ATP10D: variants seen among roughly 807,000 people sequenced by gnomAD.
The protein encoded by ATP10D is phospholipid-transporting ATPase VD.
In ATP10D, 89 loss-of-function variants were observed where a neutral mutation model predicts 144.8. The observed-to-expected ratio is 0.61, with a 90% CI of 0.52 to 0.73. ATP10D has a LOEUF of 0.73. ATP10D is among the 30% of genes least tolerant of loss of function. ATP10D has a pLI of 0.00. For synonymous variants in ATP10D, 571 were observed against 615.1 expected, an observed-to-expected ratio of 0.93 and a Z score of 1.06; for missense variants, 1,603 against 1,714.8, an observed-to-expected ratio of 0.93 and a Z score of 1.15.
chr4:47,562,120 A>T (rs1296301045), intron 14 of ATP10D, among the ~76,000 whole-genome samples: 1 of 152,198 alleles, frequency 6.6e-6, no homozygotes, highest in African/African-American at 2.4e-5. Context: ...ATATAAGACT[A>T]TTTATAGTTA....
chr4:47,544,751 C>A (rs4437227), intron 9 of ATP10D, among the ~76,000 whole-genome samples: 3 of 152,170 alleles, frequency 2.0e-5, no homozygotes, highest in Admixed American at 6.5e-5. Context: ...AAAACTATTA[C>A]AAAAAAATAG....
intron 9 of ATP10D, among the ~76,000 whole-genome samples, chr4:47,543,836 TACAC>T (rs756459559): frequency 2.9e-5 from 3 of 104,932 alleles, no homozygotes; most frequent in Non-Finnish European, 6.2e-5. Context: ...ATATATTATG[TACAC>T]ACACACACAC....
intron 22 of ATP10D, among the ~76,000 whole-genome samples, chr4:47,590,706 C>T (rs920143355): frequency 7.2e-5 from 11 of 152,054 alleles, no homozygotes; most frequent in Non-Finnish European, 1.5e-4. Context: ...TATGTGTCAA[C>T]ACTCTGCCTG....
At chr4:47,523,844 A>G (rs1420524368) in intron 4 of ATP10D, among the ~76,000 whole-genome samples, 1 of 152,208 alleles carries the variant, frequency 6.6e-6, no homozygotes, top group East Asian at 1.9e-4. Flanking sequence ...ATGTATGAAA[A>G]CAGCATATAT....
chr4:47,496,385 G>C (rs999475029), intron 1 of ATP10D, among the ~76,000 whole-genome samples: 17 of 152,050 alleles, frequency 1.1e-4, no homozygotes, highest in Non-Finnish European at 2.9e-5. Context: ...TTGAACTCCT[G>C]ACCTCAGGTG....
chr4:47,534,191 G>T (rs1001392656), intron 5 of ATP10D, among the ~76,000 whole-genome samples: 1 of 151,978 alleles, frequency 6.6e-6, no homozygotes, highest in Admixed American at 6.6e-5. Flanking sequence ...CCCCTCCATC[G>T]TTCATTTTCT....
In ATP10D at chr4:47,523,215, A is replaced by T; in HGVS notation, c.689A>T (p.Gln230Leu). The change falls in exon 4 of 23, where the codon CAG becomes CTG. Residue 230 changes from glutamine to leucine, a missense_variant and splice_region_variant. By Grantham distance (113) the Gln-to-Leu change is moderately radical. Coordinates refer to ENST00000273859, the MANE Select transcript of ATP10D (RefSeq NM_020453.4). Reference protein sequence around the residue: ...QRQVVRGYAEQDSEVDPEKFS... With the variant: ...QRQVVRGYAELDSEVDPEKFS... ...CAGGTGGTTCGGGGATATGCAGAAC[A>T]GGTAAGTCATATGTTCTCAGTTAGT... 1 of 1,613,544 alleles carries T rather than the reference A, an allele frequency of 6.2e-7. No individual in the cohort carries two copies. The highest frequency in any genetic ancestry group is 1.1e-5 in the South Asian group (1 of 91,044).
Position 47,581,955 on chromosome 4 carries a change from T to C in ATP10D, c.3649-5T>C, listed in dbSNP as rs376719790. ...CCAGGATCATCTAATGTCCTCTCTT[T>C]GTAGACCTACCAGGGCTCAGATACT... On this transcript the variant is annotated splice_polypyrimidine_tract_variant and splice_region_variant and intron_variant, in intron 20 of 22. Coordinates refer to ENST00000273859, the MANE Select transcript of ATP10D (RefSeq NM_020453.4). The C allele has an allele frequency of 1.6e-5, 26 of 1,611,364 alleles. No individual in the cohort carries two copies. The highest frequency in any genetic ancestry group is 2.1e-5 in the Non-Finnish European group (25 of 1,177,684).
At chr4:47,553,864 T>C (rs572973801) in intron 10 of ATP10D, among the ~76,000 whole-genome samples, 81 of 152,372 alleles carry the variant, frequency 5.3e-4, no homozygotes, top group Admixed American at 4.8e-3. Context: ...TTTCCTGCAG[T>C]CACTGTGCTT....
chr4:47,555,910 C>T (rs930811474), intron 11 of ATP10D, among the ~76,000 whole-genome samples: 10 of 152,010 alleles, frequency 6.6e-5, no homozygotes, highest in Non-Finnish European at 1.2e-4. Flanking sequence ...CCCACAACCA[C>T]GCCTGGCTAA....
rs1053064224 is a variant in ATP10D, at chr4:47,485,356, G to C, written c.-201G>C. On this transcript the variant is annotated 5_prime_UTR_variant, in exon 1 of 23. Transcript: ENST00000273859. Reference sequence around the variant, plus strand: ...ACAGGCTCCGGCGCTGGCTCCCGCAGCTGAGTTTGGGAGATGTCTAAGTGA... The same window carrying C: ...ACAGGCTCCGGCGCTGGCTCCCGCACCTGAGTTTGGGAGATGTCTAAGTGA... 4.6e-5 allele frequency: 7 copies of C among 152,050 alleles called. No individual in the cohort carries two copies. The East Asian group carries it at 1.4e-3, about 30-fold the overall frequency. 9.4% of individuals were successfully genotyped at this position (152,050 alleles called of 1,614,324 possible).
At chr4:47,549,190 T>G (rs575811486) in intron 10 of ATP10D, among the ~76,000 whole-genome samples, 1 of 152,334 alleles carries the variant, frequency 6.6e-6, no homozygotes, top group South Asian at 2.1e-4. Flanking sequence ...TCTGGAGTTT[T>G]TCATTCAACA....
At chr4:47,590,365 A>C (rs1720972016) in intron 22 of ATP10D, among the ~76,000 whole-genome samples, 1 of 152,130 alleles carries the variant, frequency 6.6e-6, no homozygotes, top group African/African-American at 2.4e-5. Flanking sequence ...TAGGAGATTG[A>C]CTGTTAGTAG....
chr4:47,559,570 G>A (rs941088286), intron 13 of ATP10D, among the ~76,000 whole-genome samples: 1 of 152,180 alleles, frequency 6.6e-6, no homozygotes, highest in African/African-American at 2.4e-5. Flanking sequence ...CAAGAAAGAA[G>A]ATGGAGCTCC....
chr4:47,504,117 C>T (rs1163100175), intron 1 of ATP10D, among the ~76,000 whole-genome samples: 2 of 152,002 alleles, frequency 1.3e-5, no homozygotes, highest in Non-Finnish European at 2.9e-5. Context: ...TGATTCATTC[C>T]ACCCAATGGA....
chr4:47,549,738 G>A (rs1301610222), intron 10 of ATP10D, among the ~76,000 whole-genome samples: 1 of 152,156 alleles, frequency 6.6e-6, no homozygotes, highest in East Asian at 1.9e-4. Context: ...CACCTCTAAG[G>A]GAGTGAAGAA....
At chr4:47,493,628 T>C (rs1577604531) in intron 1 of ATP10D, among the ~76,000 whole-genome samples, 1 of 152,338 alleles carries the variant, frequency 6.6e-6, no homozygotes, top group South Asian at 2.1e-4. Context: ...TCTGCATTCA[T>C]TAATTAAAAA....
chr4:47,543,485 C>T (rs1359300345), intron 9 of ATP10D, among the ~76,000 whole-genome samples: 1 of 152,194 alleles, frequency 6.6e-6, no homozygotes, highest in Non-Finnish European at 1.5e-5. Flanking sequence ...TTGGCCTCCA[C>T]CCACTGAATG....
intron 9 of ATP10D, among the ~76,000 whole-genome samples, chr4:47,538,231 GAATT>G (rs1717950568): frequency 6.6e-6 from 1 of 152,014 alleles, no homozygotes; most frequent in Non-Finnish European, 1.5e-5. Flanking sequence ...TAAATTAATT[GAATT>G]ATTTCCCTGT....
Sources: allele counts gnomAD v4.1 joint callset (sites outside exome capture counted in the v4.1 genomes callset), GRCh38; gene constraint gnomAD v4.1.1; transcripts MANE v1.5; gene names NCBI Gene and HGNC (gene_info 2026-07-23, HGNC 2026-07-21).